The following GLRB variants were observed in gnomAD, a reference collection of about 807,000 sequenced individuals.
The protein encoded by GLRB is glycine receptor beta, also known as glycine receptor subunit beta.
In GLRB, 33 loss-of-function variants were observed where a neutral mutation model predicts 54.2. That is an observed-to-expected ratio of 0.61 (90% confidence interval 0.46 to 0.81). The LOEUF (loss-of-function observed/expected upper bound fraction) is 0.81, where lower values mean the gene tolerates loss of function less well. GLRB is among the 40% of genes least tolerant of loss of function. The probability of loss-of-function intolerance (pLI) is 0.00; values close to 1 mark genes in which losing one functional copy is unlikely to be tolerated. For missense variants in GLRB, 572 were observed against 584.6 expected (o/e 0.98, Z 0.22); for synonymous variants, 209 against 208.2 (o/e 1.00, Z -0.03).
At chr4:157,162,345 A>G (rs998506026) in intron 9 of GLRB, among the ~76,000 whole-genome samples, 1 of 152,158 alleles carries the variant, frequency 6.6e-6, no homozygotes, top group African/African-American at 2.4e-5. Flanking sequence ...CAACTCGTCA[A>G]AGTCATTCTC....
At chr4:157,166,825 G>A (rs932517500) in intron 9 of GLRB, among the ~76,000 whole-genome samples, 9 of 151,758 alleles carry the variant, frequency 5.9e-5, no homozygotes, top group Non-Finnish European at 1.5e-5. Context: ...TAATCTCTGT[G>A]AATAAACATA....
intron 2 of GLRB, among the ~76,000 whole-genome samples, chr4:157,079,150 T>C (rs1274611758): frequency 6.6e-6 from 1 of 152,204 alleles, no homozygotes; most frequent in African/African-American, 2.4e-5. Context: ...AGTATATAAG[T>C]AAACAACTTT....
At chr4:157,111,981 C>A (rs774264793) in intron 2 of GLRB, among the ~76,000 whole-genome samples, 1 of 151,762 alleles carries the variant, frequency 6.6e-6, no homozygotes, top group African/African-American at 2.4e-5. Context: ...CTGGATTTAC[C>A]CCTTCTTCCT....
At chr4:157,134,428 T>G (rs537068872) in intron 4 of GLRB, among the ~76,000 whole-genome samples, 45 of 152,088 alleles carry the variant, frequency 3.0e-4, no homozygotes, top group Middle Eastern at 3.4e-3. Context: ...AGATTGAGGC[T>G]GCAGTGAGCT....
In GLRB at chr4:157,122,379, C is replaced by T; in HGVS notation, c.279C>T (p.Ser93=). 1.6e-6 allele frequency: 2 copies of T among 1,285,328 alleles called. No homozygotes were observed. Among genetic ancestry groups the T allele is most frequent in the Non-Finnish European group, 2.2e-6 (2 of 893,910 alleles). The allele number at this position is 1,285,328 out of a possible 1,614,324, so 79.6% of individuals were successfully genotyped here. The change falls in exon 4 of 10, where the codon TCC becomes TCT. Residue 93 remains serine (S), a synonymous_variant. Coordinates refer to ENST00000264428, the MANE Select transcript of GLRB (RefSeq NM_000824.5). ...VVNIFINSFG[S]IQETTMDYRV... ...ACATTTTTATTAACAGTTTTGGATC[C>T]ATTCAAGAAACAACAATGGTAAGAT...
At chr4:157,088,479 T>G (rs1468478811) in intron 2 of GLRB, among the ~76,000 whole-genome samples, 1 of 152,190 alleles carries the variant, frequency 6.6e-6, no homozygotes, top group Non-Finnish European at 1.5e-5. Flanking sequence ...GGTTCCAAAT[T>G]CTTTTCCTTA....
intron 8 of GLRB, among the ~76,000 whole-genome samples, chr4:157,151,609 T>C (rs1456342953): frequency 6.6e-6 from 1 of 152,124 alleles, no homozygotes; most frequent in African/African-American, 2.4e-5. Flanking sequence ...TCTTAGGTTC[T>C]TGAATGCAAA....
intron 9 of GLRB, 118 bp downstream of exon 9, chr4:157,153,128 T>A: frequency 1.1e-6 from 1 of 926,736 alleles, no homozygotes; most frequent in Non-Finnish European, 1.7e-6. Flanking sequence ...TGTTTTTCTC[T>A]CACAGATGAA....
intron 2 of GLRB, among the ~76,000 whole-genome samples, chr4:157,109,307 C>T (rs776039898): frequency 2.0e-5 from 3 of 151,908 alleles, no homozygotes; most frequent in Non-Finnish European, 4.4e-5. Context: ...TCTGAATGTT[C>T]ATTTCCTTCC....
intron 4 of GLRB, among the ~76,000 whole-genome samples, chr4:157,129,330 TTGAAAA>T (rs1304212046): frequency 6.6e-6 from 1 of 151,744 alleles, no homozygotes; most frequent in Non-Finnish European, 1.5e-5. Flanking sequence ...GATTGAATAA[TTGAAAA>T]TGAAAATAAA....
At chr4:157,077,405 TGTAATGTGTTTAAATAAAAAAAG>T (rs1487158032) in intron 1 of GLRB, among the ~76,000 whole-genome samples, 5 of 152,104 alleles carry the variant, frequency 3.3e-5, no homozygotes, top group Non-Finnish European at 1.5e-5. Flanking sequence ...AGCTTGCCAA[TGTAATGTGTTTAAATAAAAAAAG>T]CAATGAATTT....
chr4:157,104,664 G>A (rs991957969), intron 2 of GLRB, among the ~76,000 whole-genome samples: 1 of 151,828 alleles, frequency 6.6e-6, no homozygotes, highest in South Asian at 2.1e-4. Context: ...GATTGAATTT[G>A]CCAGTGAAAC....
At chr4:157,120,208 G>A (rs1735757047) in intron 2 of GLRB, among the ~76,000 whole-genome samples, 1 of 119,886 alleles carries the variant, frequency 8.3e-6, no homozygotes, top group African/African-American at 3.2e-5. Flanking sequence ...ACAGGAAGGG[G>A]AACATCACAT....
At chr4:157,124,279 C>G (rs1317372866) in intron 4 of GLRB, among the ~76,000 whole-genome samples, 2 of 151,700 alleles carry the variant, frequency 1.3e-5, no homozygotes, top group Non-Finnish European at 2.9e-5. Flanking sequence ...ATCTTCTTCT[C>G]TTCTAAACAG....
At chr4:157,117,938 T>G (rs541255548) in intron 2 of GLRB, among the ~76,000 whole-genome samples, 2 of 151,672 alleles carry the variant, frequency 1.3e-5, no homozygotes, top group African/African-American at 4.8e-5. Flanking sequence ...TAGAGTAAGG[T>G]TGCATGGTTG....
chr4:157,131,249 T>C (rs375169451), intron 4 of GLRB, among the ~76,000 whole-genome samples: 1 of 151,736 alleles, frequency 6.6e-6, no homozygotes. Flanking sequence ...GGGATGTTTT[T>C]TCTTAACCTT....
chr4:157,093,911 T>G (rs76949609), intron 2 of GLRB, among the ~76,000 whole-genome samples: 1 of 152,168 alleles, frequency 6.6e-6, no homozygotes, highest in African/African-American at 2.4e-5. Context: ...TCATATAGAA[T>G]ATTACATAGA....
chr4:157,112,610 G>C (rs142843054), intron 2 of GLRB, among the ~76,000 whole-genome samples: 1 of 151,884 alleles, frequency 6.6e-6, no homozygotes, highest in Admixed American at 6.6e-5. Flanking sequence ...AGGGAGTAAC[G>C]CAGGCTTAAA....
intron 7 of GLRB, 105 bp downstream of exon 7, chr4:157,139,054 T>A: frequency 1.5e-6 from 1 of 656,220 alleles, no homozygotes; most frequent in Admixed American, 2.4e-5. Flanking sequence ...AACTTAAAAT[T>A]AAATTAGCAA....
Sources: gnomAD v4.1 joint callset for allele counts (sites outside exome capture counted in the v4.1 genomes callset) on GRCh38, gnomAD v4.1.1 for gene constraint, MANE v1.5 for transcripts, NCBI Gene and HGNC (gene_info 2026-07-23, HGNC 2026-07-21) for gene names.